Variants in HNRNPA1 observed in about 807,000 individuals in gnomAD.
HNRNPA1 encodes the protein epididymis secretory sperm binding protein.
HNRNPA1 carries 7 observed loss-of-function variants against 44.4 expected under a neutral mutation model. The ratio of observed to expected loss-of-function variants is 0.16; its 90% CI spans 0.09 to 0.30. The LOEUF is 0.30. HNRNPA1 is among the 10% of genes least tolerant of loss of function. HNRNPA1 has a pLI of 1.00. For synonymous variants in HNRNPA1, 169 were observed against 160.6 expected, an observed-to-expected ratio of 1.05 and a Z score of -0.40; for missense variants, 193 against 465.8, an observed-to-expected ratio of 0.41 and a Z score of 5.39.
Position 54,283,815 on chromosome 12 carries a change from G to T in HNRNPA1, c.911G>T (p.Ser304Ile). The change falls in exon 9 of 11, where the codon AGC becomes ATC. Residue 304 changes from serine (S) to isoleucine (I), a missense_variant. Physicochemically the swap from Ser to Ile is moderately radical, Grantham distance 142 (BLOSUM62 -2). Transcript: ENST00000340913. ...AGGCCCTCTTTCCCATTCATAGGAA[G>T]CAATTTTGGAGGTGGTGGAAGCTAC... is the stretch of plus-strand genomic sequence containing the variant. ...GGGGFGGGSG[S>I]NFGGGGSYND... is the part of the protein sequence containing the mutation. The T allele has an allele frequency of 6.2e-7, 1 of 1,613,896 alleles. No individual in the cohort carries two copies. The highest frequency in any genetic ancestry group is 2.2e-5 in the East Asian group (1 of 44,890).
Position 54,283,974 on chromosome 12 carries a change from T to C in HNRNPA1, c.1063+7T>C. ...GCAAAACCACGAAACCAAGGTATGG[T>C]ATCTATGTAATTTTGGATAATGTCA... is the stretch of plus-strand genomic sequence containing the variant. On this transcript the variant is annotated splice_region_variant and intron_variant, in intron 9 of 10. Coordinates refer to ENST00000340913, the MANE Select transcript of HNRNPA1 (RefSeq NM_031157.4). 1.2e-6 allele frequency: 2 copies of C among 1,604,446 alleles called. No individual in the cohort carries two copies. The highest frequency in any genetic ancestry group is 1.7e-6 in the Non-Finnish European group (2 of 1,179,876).
intron 10 of HNRNPA1, 41 bp from the exon 11 acceptor site, chr12:54,284,508 A>C (rs778691498): frequency 2.8e-6 from 2 of 718,250 alleles, no homozygotes; most frequent in South Asian, 1.5e-5. Context: ...TTGAGTCTTA[A>C]TATGTTTAGA....
chr12:54,281,366 T>A lies in HNRNPA1; in HGVS notation c.16-20T>A. ...TTCGTGTTGTAGCCCATTTAACACT[T>A]CCCCCTCCCCCCACTCTAGTCTCCT... On this transcript the variant is annotated intron_variant, in intron 1 of 10. Transcript: ENST00000340913. 1.5e-6 allele frequency: 2 copies of A among 1,364,170 alleles called. No individual in the cohort carries two copies. Among genetic ancestry groups the A allele is most frequent in the Non-Finnish European group, 2.1e-6 (2 of 966,332 alleles). The allele number at this position is 1,364,170 out of a possible 1,614,324, so 84.5% of individuals were successfully genotyped here.
chr12:54,280,978 C>A, intron 1 of HNRNPA1, 156 bp downstream of exon 1: 1 of 816,786 alleles, frequency 1.2e-6, no homozygotes. Flanking sequence ...GCCATTTTGT[C>A]CTCTTGATCG....
At position 54,285,247 on chromosome 12, in the gene HNRNPA1, T is replaced by C. The variant is rs868281539; in HGVS notation, c.*703T>C. 2 of 152,692 alleles carry C rather than the reference T, an allele frequency of 1.3e-5. No individual in the cohort carries two copies. The highest frequency in any genetic ancestry group is 6.5e-5 in the Admixed American group (1 of 15,298). The allele number at this position is 152,692 out of a possible 1,614,324, so 9.5% of individuals were successfully genotyped here. A position where few individuals can be genotyped will look rare whatever the true frequency, so the allele number is the denominator to read the frequency against. On this transcript the variant is annotated 3_prime_UTR_variant, in exon 11 of 11. Transcript: ENST00000340913. ...CAATAAACGATTTAATTCTCTTGAA[T>C]GAAATGACAACTGTATGGATTTGGG...
rs777342318 is a variant in HNRNPA1 at position 54,281,490 on chromosome 12, C to A, written c.120C>A (p.Leu40=). ...GCCATTTTGAGCAATGGGGAACGCT[C>A]ACGGACTGTGTGGTAAGATTTGGAA... is the stretch of plus-strand genomic sequence containing the variant. ...LRSHFEQWGT[L]TDCVVMRDPN... is the part of the protein sequence containing the mutation. Residue 40 remains leucine, a synonymous_variant, in exon 2 of 11, where the codon CTC becomes CTA. Coordinates refer to ENST00000340913, the MANE Select transcript of HNRNPA1 (RefSeq NM_031157.4). 25 of 1,607,052 alleles carry A rather than the reference C, an allele frequency of 1.6e-5. No homozygotes were observed. The highest frequency in any genetic ancestry group is 2.1e-5 in the Non-Finnish European group (25 of 1,175,104).
intron 7 of HNRNPA1, 35 bp from the exon 8 acceptor site, chr12:54,283,044 C>T (rs760530149): frequency 3.7e-6 from 6 of 1,606,716 alleles, no homozygotes; most frequent in Admixed American, 1.7e-5. Context: ...TTGTCAAATA[C>T]TTTTGTCTTA....
In HNRNPA1 at chr12:54,285,350, A is replaced by C. The variant is rs184630270; in HGVS notation, c.*806A>C. ...ATGCTTCTATCACAATTCAAGTTCA[A>C]AGCTCTGCCAGGGAATAGAAACTAG... On this transcript the variant is annotated 3_prime_UTR_variant, in exon 11 of 11. Transcript: ENST00000340913. 3.3e-5 allele frequency: 5 copies of C among 152,344 alleles called. No individual in the cohort carries two copies. The highest frequency in any genetic ancestry group is 5.9e-5 in the Non-Finnish European group (4 of 68,026). The allele number at this position is 152,344 out of a possible 1,614,324, so 9.4% of individuals were successfully genotyped here.
At chr12:54,282,958 C>T in intron 7 of HNRNPA1, 84 bp downstream of exon 7, 1 of 1,475,302 alleles carries the variant, frequency 6.8e-7, no homozygotes, top group Admixed American at 2.1e-5. Context: ...AATTCTGGTG[C>T]ATGTCAAACT....
At chr12:54,284,402 C>A in intron 10 of HNRNPA1, 85 bp downstream of exon 10, 1 of 1,138,286 alleles carries the variant, frequency 8.8e-7, no homozygotes, top group Non-Finnish European at 1.3e-6. Context: ...AGCAGTGCAA[C>A]ATAGTTAACA....
In HNRNPA1 at chr12:54,283,321, G is replaced by C. The variant is rs1944209144; in HGVS notation, c.907+87G>C. Reference sequence around the variant, plus strand: ...TTCTGGTGCTGTTGAAGCATTGTGTGGTACACTGCATGGTATATTAAAAAC... The same window carrying C: ...TTCTGGTGCTGTTGAAGCATTGTGTCGTACACTGCATGGTATATTAAAAAC... On this transcript the variant is annotated intron_variant, in intron 8 of 10. Transcript: ENST00000340913. The C allele has an allele frequency of 2.1e-6, 3 of 1,416,730 alleles. No homozygotes were observed. The South Asian group carries it at 3.7e-5, about 17-fold the overall frequency. The allele number at this position is 1,416,730 out of a possible 1,614,324, so 87.8% of individuals were successfully genotyped here.
chr12:54,283,724 C>G, intron 8 of HNRNPA1, 88 bp from the exon 9 acceptor site: 11 of 1,318,296 alleles, frequency 8.3e-6, no homozygotes, highest in Non-Finnish European at 1.1e-5. Flanking sequence ...GCTGATAACT[C>G]AACCTTATTT....
At chr12:54,282,532 T>C (rs1944190814) in intron 5 of HNRNPA1, 41 bp from the exon 6 acceptor site, 2 of 1,608,106 alleles carry the variant, frequency 1.2e-6, no homozygotes, top group Admixed American at 1.7e-5. Flanking sequence ...TTTGAGTTAC[T>C]CCAGTATGAA....
At chr12:54,284,215 T>C (rs1944229096) in intron 9 of HNRNPA1, 43 bp from the exon 10 acceptor site, 2 of 1,589,614 alleles carry the variant, frequency 1.3e-6, no homozygotes, top group Non-Finnish European at 1.7e-6. Context: ...AAAACATTAC[T>C]GTTGGCACTT....
At chr12:54,282,766 AGT>A (rs758309461) in intron 6 of HNRNPA1, 32 bp from the exon 7 acceptor site, 3 of 1,570,610 alleles carry the variant, frequency 1.9e-6, no homozygotes, top group Non-Finnish European at 2.6e-6. Context: ...TTTAAGTCCA[AGT>A]CATACTTAAA....
At position 54,285,783 on chromosome 12, in the gene HNRNPA1, A is replaced by G. The variant is rs1340914659; in HGVS notation, c.*1239A>G. The G allele has an allele frequency of 1.3e-5, 2 of 149,290 alleles. No individual in the cohort carries two copies. Among genetic ancestry groups the G allele is most frequent in the East Asian group, 2.0e-4 (1 of 4,990 alleles). 9.2% of individuals were successfully genotyped at this position (149,290 alleles called of 1,614,324 possible). The stretch of plus-strand genomic sequence containing the variant: ...TTGGTGCTCTCTCAATTTCAGTGCT[A>G]TTGTACCTAGTAGCATAGAGATTTG... On this transcript the variant is annotated 3_prime_UTR_variant, in exon 11 of 11. Coordinates refer to ENST00000340913, the MANE Select transcript of HNRNPA1 (RefSeq NM_031157.4).
rs1944238176 is a variant in HNRNPA1 at position 54,284,690 on chromosome 12, T to C, written c.*146T>C. 4.1e-6 allele frequency: 2 copies of C among 493,302 alleles called. No homozygotes were observed. Among genetic ancestry groups the C allele is most frequent in the Admixed American group, 4.8e-5 (2 of 41,778 alleles). The allele number at this position is 493,302 out of a possible 1,614,324, so 30.6% of individuals were successfully genotyped here. On this transcript the variant is annotated 3_prime_UTR_variant, in exon 11 of 11. Coordinates refer to ENST00000340913, the MANE Select transcript of HNRNPA1 (RefSeq NM_031157.4). ...GACATGTTTTAGACAAATACTCATG[T>C]GTATGGGCAAAAAACTCGAGGACTG...
At chr12:54,280,909 A>C in intron 1 of HNRNPA1, 87 bp downstream of exon 1, 1 of 1,437,040 alleles carries the variant, frequency 7.0e-7, no homozygotes, top group Non-Finnish European at 9.8e-7. Context: ...TCCTTGCACC[A>C]GCCCATTCTA....
chr12:54,283,027 G>A (rs1944202336), intron 7 of HNRNPA1, 52 bp from the exon 8 acceptor site: 3 of 1,594,158 alleles, frequency 1.9e-6, no homozygotes, highest in African/African-American at 2.7e-5. Context: ...ACTTGCACAA[G>A]TTTTCATTGT....
Sources: gnomAD v4.1 joint callset for allele counts on GRCh38, gnomAD v4.1.1 for gene constraint, MANE v1.5 for transcripts, NCBI Gene and HGNC (gene_info 2026-07-23, HGNC 2026-07-21) for gene names.